The following BTLA variants were observed in gnomAD, a reference collection of about 807,000 sequenced individuals.
The protein encoded by BTLA is B- and T-lymphocyte attenuator.
In BTLA, 11 loss-of-function variants were observed where a neutral mutation model predicts 25.0. The observed-to-expected ratio is 0.44, with a 90% confidence interval of 0.28 to 0.73. The LOEUF is 0.73. Ranked by LOEUF, BTLA falls within the 30% of genes least tolerant of loss-of-function variation. The pLI, the probability that BTLA is intolerant of heterozygous loss-of-function variation, is 0.15. For synonymous variants in BTLA, 104 were observed against 119.8 expected, an observed-to-expected ratio of 0.87 and a Z score of 0.86; for missense variants, 282 against 332.8, an observed-to-expected ratio of 0.85 and a Z score of 1.19.
intron 4 of BTLA, among the ~76,000 whole-genome samples, chr3:112,467,976 T>G (rs1313593853): frequency 1.3e-5 from 2 of 152,190 alleles, no homozygotes; most frequent in Admixed American, 6.5e-5. Flanking sequence ...TTAAAATGAA[T>G]GGAGCAAAAG....
intron 2 of BTLA, among the ~76,000 whole-genome samples, chr3:112,478,285 C>G (rs780043219): frequency 4.3e-4 from 65 of 152,090 alleles, no homozygotes; most frequent in Admixed American, 4.1e-3. Context: ...CATTTATTTA[C>G]ATATTCTTGA....
At chr3:112,490,840 T>C (rs1185297975) in intron 1 of BTLA, among the ~76,000 whole-genome samples, 1 of 152,206 alleles carries the variant, frequency 6.6e-6, no homozygotes, top group Non-Finnish European at 1.5e-5. Flanking sequence ...TCTTCTTATA[T>C]TCATTTATGA....
intron 1 of BTLA, among the ~76,000 whole-genome samples, chr3:112,496,974 C>T (rs932387610): frequency 2.0e-5 from 3 of 152,124 alleles, no homozygotes; most frequent in African/African-American, 4.8e-5. Context: ...GTGATCTGCC[C>T]GTCTTGGCTT....
At chr3:112,497,357 G>A (rs2107344081) in intron 1 of BTLA, among the ~76,000 whole-genome samples, 1 of 152,302 alleles carries the variant, frequency 6.6e-6, no homozygotes, top group South Asian at 2.1e-4. Flanking sequence ...AAAGAGAAGA[G>A]AAGAGACTTA....
At chr3:112,468,800 A>G (rs1406052277) in intron 4 of BTLA, among the ~76,000 whole-genome samples, 1 of 152,188 alleles carries the variant, frequency 6.6e-6, no homozygotes, top group Non-Finnish European at 1.5e-5. Flanking sequence ...CACAGTGCCT[A>G]CTGATGCTAA....
chr3:112,472,030 G>A (rs2082265439), intron 2 of BTLA, among the ~76,000 whole-genome samples: 1 of 152,106 alleles, frequency 6.6e-6, no homozygotes, highest in Non-Finnish European at 1.5e-5. Flanking sequence ...AACAGAAGAG[G>A]ATAGAAATCA....
At chr3:112,483,642 C>A (rs1321357148) in intron 1 of BTLA, among the ~76,000 whole-genome samples, 1 of 151,844 alleles carries the variant, frequency 6.6e-6, no homozygotes, top group Non-Finnish European at 1.5e-5. Context: ...AAATGAATGG[C>A]AATTGGGAGA....
chr3:112,491,819 T>C (rs2082382061), intron 1 of BTLA, among the ~76,000 whole-genome samples: 1 of 143,576 alleles, frequency 7.0e-6, no homozygotes, highest in Non-Finnish European at 1.5e-5. Context: ...TGTGAAAAAT[T>C]ACCCCCAACA....
chr3:112,496,956 G>A (rs2082412664), intron 1 of BTLA, among the ~76,000 whole-genome samples: 1 of 152,168 alleles, frequency 6.6e-6, no homozygotes, highest in East Asian at 1.9e-4. Context: ...TTAAACTCCT[G>A]ACCTCAGGTG....
Position 112,464,211 on chromosome 3 carries a change from T to C in BTLA, c.*1897A>G. 1 of 397,844 alleles carries C rather than the reference T, an allele frequency of 2.5e-6. No homozygotes were observed. Among genetic ancestry groups the C allele is most frequent in the East Asian group, 3.6e-5 (1 of 27,938 alleles). The allele number at this position is 397,844 out of a possible 1,614,324, so 24.6% of individuals were successfully genotyped here. A position where few individuals can be genotyped will look rare whatever the true frequency, so the allele number is the denominator to read the frequency against. On this transcript the variant is annotated 3_prime_UTR_variant, in exon 5 of 5. Transcript: ENST00000334529. ...GTGATTTTGGCAAACAGTACAAATA[T>C]ATTAATACATCTTAGAGATGAAATC...
At chr3:112,489,816 G>C (rs550700866) in intron 1 of BTLA, among the ~76,000 whole-genome samples, 102 of 152,270 alleles carry the variant, frequency 6.7e-4, no homozygotes, top group African/African-American at 2.4e-3. Flanking sequence ...GCATCCAGAT[G>C]GTATGTTCTG....
chr3:112,473,696 C>T (rs2082275094), intron 2 of BTLA, among the ~76,000 whole-genome samples: 1 of 148,576 alleles, frequency 6.7e-6, no homozygotes, highest in Admixed American at 6.8e-5. Flanking sequence ...TTCACTGCAG[C>T]CTCCACCTCC....
intron 1 of BTLA, among the ~76,000 whole-genome samples, chr3:112,498,776 A>C (rs887519303): frequency 3.9e-5 from 6 of 152,112 alleles, no homozygotes; most frequent in Non-Finnish European, 8.8e-5. Context: ...CATACATCCC[A>C]ATGAAGCAAG....
At chr3:112,498,493 C>A (rs1273209932) in intron 1 of BTLA, among the ~76,000 whole-genome samples, 2 of 148,464 alleles carry the variant, frequency 1.3e-5, no homozygotes, top group African/African-American at 2.5e-5. Flanking sequence ...CACTCATAGG[C>A]TTTTCCTCTT....
chr3:112,487,284 T>C (rs1414579083), intron 1 of BTLA, among the ~76,000 whole-genome samples: 2 of 152,136 alleles, frequency 1.3e-5, no homozygotes, highest in Non-Finnish European at 2.9e-5. Flanking sequence ...TAGTATGTGG[T>C]GATAATTAAA....
intron 1 of BTLA, among the ~76,000 whole-genome samples, chr3:112,482,447 A>G (rs1012058325): frequency 9.9e-5 from 15 of 152,206 alleles, no homozygotes; most frequent in African/African-American, 3.6e-4. Flanking sequence ...ATACATGTCT[A>G]TCCAGAACAA....
chr3:112,488,465 G>A (rs900494430), intron 1 of BTLA, among the ~76,000 whole-genome samples: 7 of 151,904 alleles, frequency 4.6e-5, no homozygotes, highest in East Asian at 2.0e-4. Flanking sequence ...CTCGTGATCC[G>A]CCCGCCTCGG....
intron 1 of BTLA, among the ~76,000 whole-genome samples, chr3:112,493,694 G>A (rs1412688215): frequency 6.6e-6 from 1 of 152,160 alleles, no homozygotes; most frequent in East Asian, 1.9e-4. Context: ...TACAGACAGG[G>A]TTTCACTATG....
chr3:112,499,270 C>T lies in BTLA; in HGVS notation c.88+1G>A. 6.3e-7 allele frequency: 1 copy of T among 1,593,908 alleles called. No individual in the cohort carries two copies. The highest frequency in any genetic ancestry group is 8.6e-7 in the Non-Finnish European group (1 of 1,161,832). The stretch of plus-strand genomic sequence containing the variant: ...AGAAATAACCTAAGCAGGTGCCTTA[C>T]CATGGATGTTCCAGATGTCCAGATA... On this transcript the variant is annotated splice_donor_variant, in intron 1 of 4. Transcript: ENST00000334529. LOFTEE classifies it high-confidence loss of function.
Sources: gnomAD v4.1 joint callset for allele counts (sites outside exome capture counted in the v4.1 genomes callset) on GRCh38, gnomAD v4.1.1 for gene constraint, MANE v1.5 for transcripts, NCBI Gene and HGNC (gene_info 2026-07-23, HGNC 2026-07-21) for gene names.